CSMD2: variants seen among roughly 807,000 people sequenced by gnomAD.
CSMD2 encodes CUB and sushi domain-containing protein 2.
In CSMD2, 130 loss-of-function variants were observed where a neutral mutation model predicts 398.5. The ratio of observed to expected loss-of-function variants is 0.33; its 90% CI spans 0.28 to 0.38. CSMD2 has a LOEUF of 0.38. CSMD2 is among the 10% of genes least tolerant of loss of function. CSMD2 has a pLI of 1.00. For missense variants in CSMD2, 3,829 were observed against 4,764.9 expected, an observed-to-expected ratio of 0.80 and a Z score of 5.78; for synonymous variants, 1,828 against 1,908.5, an observed-to-expected ratio of 0.96 and a Z score of 1.10.
chr1:33,832,689 T>A (rs1286161977), intron 6 of CSMD2, among the ~76,000 whole-genome samples: 2 of 150,542 alleles, frequency 1.3e-5, no homozygotes, highest in Admixed American at 1.3e-4. Flanking sequence ...AAAAAACCCT[T>A]CAAAAAATTA....
At chr1:33,554,719 A>ACAGCG (rs1403384506) in intron 55 of CSMD2, among the ~76,000 whole-genome samples, 1 of 152,164 alleles carries the variant, frequency 6.6e-6, no homozygotes, top group East Asian at 1.9e-4. Flanking sequence ...AGCCTGGATG[A>ACAGCG]CAGCGCATCT....
Position 33,910,417 on chromosome 1 carries a change from T to A in CSMD2, c.920+7677A>T, listed in dbSNP as rs1034589934. ...CAACTCAAAAATCATCCTGTGGGAC[T>A]AATTTTTCCGAGCCCTTCCAGCATC... On this transcript the variant is annotated intron_variant, in intron 5 of 70. Transcript: ENST00000373381. Among the ~76,000 whole-genome samples the A allele has an allele frequency of 2.6e-5, 4 of 152,322 alleles. No homozygotes were observed. The East Asian group carries it at 7.7e-4, about 29-fold the overall frequency.
At chr1:33,703,624 G>C (rs1188516963) in intron 22 of CSMD2, among the ~76,000 whole-genome samples, 1 of 152,194 alleles carries the variant, frequency 6.6e-6, no homozygotes, top group African/African-American at 2.4e-5. Context: ...AACAATGTAA[G>C]CATAATTTCT....
chr1:33,936,600 A>G (rs1037347448), intron 3 of CSMD2, among the ~76,000 whole-genome samples: 1 of 152,220 alleles, frequency 6.6e-6, no homozygotes, highest in African/African-American at 2.4e-5. Context: ...GAGCCAAGCA[A>G]TCATGGTCAC....
rs768882754 is a variant in CSMD2 at position 33,700,502 on chromosome 1, G to A, written c.3733+15C>T. ...CCCTGACTTCCTTGTCCACACAGAT[G>A]CAAGAAAGACTTACTGGAAAAGTGC... On this transcript the variant is annotated intron_variant, in intron 23 of 70. Coordinates refer to ENST00000373381, the MANE Select transcript of CSMD2 (RefSeq NM_001281956.2). 2 of 1,613,434 alleles carry A rather than the reference G, an allele frequency of 1.2e-6. No individual in the cohort carries two copies. Among genetic ancestry groups the A allele is most frequent in the South Asian group, 1.1e-5 (1 of 90,974 alleles).
At chr1:34,079,529 A>T (rs780633369) in intron 2 of CSMD2, among the ~76,000 whole-genome samples, 1 of 152,236 alleles carries the variant, frequency 6.6e-6, no homozygotes, top group Non-Finnish European at 1.5e-5. Flanking sequence ...GAACGATAAC[A>T]TGTTAAACTC....
chr1:34,057,396 CGCTGTTTCTAT>C (rs1202819402), intron 2 of CSMD2, among the ~76,000 whole-genome samples: 1 of 152,148 alleles, frequency 6.6e-6, no homozygotes, highest in African/African-American at 2.4e-5. Context: ...CTGAGCCTCT[CGCTGTTTCTAT>C]GCTGTTTCCT....
At chr1:33,907,025 T>C (rs1364006645) in intron 5 of CSMD2, among the ~76,000 whole-genome samples, 1 of 151,418 alleles carries the variant, frequency 6.6e-6, no homozygotes, top group Non-Finnish European at 1.5e-5. Flanking sequence ...GTCCAGAAGG[T>C]GAGACCTGAA....
At chr1:33,731,199 G>A (rs1446393565) in intron 15 of CSMD2, among the ~76,000 whole-genome samples, 1 of 152,010 alleles carries the variant, frequency 6.6e-6, no homozygotes, top group African/African-American at 2.4e-5. Flanking sequence ...TACAAAAACC[G>A]GCAAATACAA....
chr1:33,589,718 C>T (rs1006485202), intron 44 of CSMD2, among the ~76,000 whole-genome samples: 3 of 152,048 alleles, frequency 2.0e-5, no homozygotes, highest in Admixed American at 1.3e-4. Context: ...GGTGAAACCC[C>T]GCAGCTTGAC....
In CSMD2 at chr1:33,559,189, A is replaced by G; in HGVS notation, c.8554+111T>C. On this transcript the variant is annotated intron_variant, in intron 54 of 70. Transcript: ENST00000373381. The surrounding 1 kb of genome is among the most constrained non-coding windows in gnomAD (Gnocchi z 4.0). Reference sequence around the variant, plus strand: ...GACCCTTCTCTGCTCCATCTTCCCTATCTGGATCAGAATGATGCCAGAATG... The same window carrying G: ...GACCCTTCTCTGCTCCATCTTCCCTGTCTGGATCAGAATGATGCCAGAATG... 1 of 1,004,996 alleles carries G rather than the reference A, an allele frequency of 1.0e-6. No homozygotes were observed. Among genetic ancestry groups the G allele is most frequent in the Non-Finnish European group, 1.4e-6 (1 of 694,440 alleles). 62.3% of individuals were successfully genotyped at this position (1,004,996 alleles called of 1,614,324 possible).
chr1:33,634,139 C>T (rs181577957), intron 31 of CSMD2, among the ~76,000 whole-genome samples: 2 of 152,146 alleles, frequency 1.3e-5, no homozygotes, highest in Admixed American at 1.3e-4. Flanking sequence ...CCTGCCACCT[C>T]AGTATATTGG....
At chr1:33,824,346 C>A (rs942160354) in intron 7 of CSMD2, among the ~76,000 whole-genome samples, 1 of 152,172 alleles carries the variant, frequency 6.6e-6, no homozygotes, top group Non-Finnish European at 1.5e-5. Context: ...TCCCCTAAAC[C>A]CCCAGTCAAG....
chr1:34,061,825 G>C (rs547618222), intron 2 of CSMD2, among the ~76,000 whole-genome samples: 1 of 152,156 alleles, frequency 6.6e-6, no homozygotes, highest in African/African-American at 2.4e-5. Flanking sequence ...ACAGGCTTCC[G>C]TGCTGGATCC....
intron 58 of CSMD2, among the ~76,000 whole-genome samples, chr1:33,541,642 AAATTTT>A (rs1656352370): frequency 6.6e-6 from 1 of 151,928 alleles, no homozygotes; most frequent in Non-Finnish European, 1.5e-5. Flanking sequence ...TGCCCATTTT[AAATTTT>A]GTTTTGTCAA....
intron 3 of CSMD2, among the ~76,000 whole-genome samples, chr1:33,985,040 C>T (rs973281324): frequency 6.6e-6 from 1 of 152,142 alleles, no homozygotes; most frequent in African/African-American, 2.4e-5. Flanking sequence ...AGACGTGTGG[C>T]GTTAACGGTT....
Position 34,029,455 on chromosome 1 carries a change from T to G in CSMD2, c.517+3139A>C, listed in dbSNP as rs139359936. Reference sequence around the variant, plus strand: ...TAGACATCCCAGGGCATATATCAGGTAGGTATGCTCACAGCTGTGGCTGAC... The same window carrying G: ...TAGACATCCCAGGGCATATATCAGGGAGGTATGCTCACAGCTGTGGCTGAC... On this transcript the variant is annotated intron_variant, in intron 3 of 70. Coordinates refer to ENST00000373381, the MANE Select transcript of CSMD2 (RefSeq NM_001281956.2). Among the ~76,000 whole-genome samples, 254 of 152,278 alleles carry G rather than the reference T, an allele frequency of 1.7e-3. 1 individual carries two copies. The highest frequency in any genetic ancestry group is 5.9e-3 in the African/African-American group (247 of 41,550).
intron 13 of CSMD2, among the ~76,000 whole-genome samples, chr1:33,755,859 G>A (rs1054583072): frequency 1.3e-5 from 2 of 151,264 alleles, no homozygotes; most frequent in African/African-American, 4.9e-5. Context: ...GGGGGAGGGG[G>A]GTCTCACTAT....
At position 33,820,576 on chromosome 1, in the gene CSMD2, A is replaced by AAAC; in HGVS notation, c.1112-21_1112-20insGTT. ...GAGTTACTACAAGGCAAAAAAAAAA[A>AAAC]AAAAAAAAAAAACAGCACACACAGA... On this transcript the variant is annotated intron_variant, in intron 7 of 70. Coordinates refer to ENST00000373381, the MANE Select transcript of CSMD2 (RefSeq NM_001281956.2). The AAAC allele has an allele frequency of 1.7e-6, 2 of 1,175,836 alleles. No homozygotes were observed. Among genetic ancestry groups the AAAC allele is most frequent in the Non-Finnish European group, 2.5e-6 (2 of 805,710 alleles). The allele number at this position is 1,175,836 out of a possible 1,614,324, so 72.8% of individuals were successfully genotyped here.
Sources: gnomAD v4.1 joint callset for allele counts (sites outside exome capture counted in the v4.1 genomes callset) on GRCh38, gnomAD v4.1.1 for gene constraint, Gnocchi (gnomAD v3.1) non-coding constraint, MANE v1.5 for transcripts, NCBI Gene and HGNC (gene_info 2026-07-23, HGNC 2026-07-21) for gene names.